Variants in NRXN1 observed in about 807,000 individuals in gnomAD.
NRXN1 encodes neurexin 1.
In NRXN1, 39 loss-of-function variants were observed where a neutral mutation model predicts 150.9. The observed-to-expected ratio is 0.26, with a 90% CI of 0.20 to 0.34. NRXN1 has a LOEUF of 0.34. Among genes scored for constraint, NRXN1 ranks in the 10% least tolerant of loss-of-function variants. The pLI is 1.00. For missense variants in NRXN1, 1,815 were observed against 1,949.9 expected (o/e 0.93, Z 1.30); for synonymous variants, 924 against 757.0 (o/e 1.22, Z -3.62).
At chr2:50,807,898 A>G (rs1281582898) in intron 5 of NRXN1, among the ~76,000 whole-genome samples, 1 of 152,180 alleles carries the variant, frequency 6.6e-6, no homozygotes, top group Admixed American at 6.6e-5. Flanking sequence ...TATTAAATAT[A>G]ACCTAATGAA....
At chr2:50,331,833 G>A (rs1160608216) in intron 17 of NRXN1, among the ~76,000 whole-genome samples, 2 of 152,134 alleles carry the variant, frequency 1.3e-5, no homozygotes, top group Admixed American at 6.5e-5. Context: ...GAAGATATTA[G>A]TTGATAATGG....
chr2:50,720,922 T>C (rs1696557133), intron 5 of NRXN1, among the ~76,000 whole-genome samples: 2 of 152,160 alleles, frequency 1.3e-5, no homozygotes, highest in South Asian at 4.1e-4. Context: ...TGTCTGCATC[T>C]TACTGCAGCT....
intron 5 of NRXN1, among the ~76,000 whole-genome samples, chr2:50,768,737 T>C (rs947834405): frequency 2.0e-5 from 3 of 151,914 alleles, no homozygotes; most frequent in Non-Finnish European, 2.9e-5. Context: ...TGCAGCTGGG[T>C]CACCGAAAAT....
At chr2:50,377,307 C>T (rs973438900) in intron 17 of NRXN1, among the ~76,000 whole-genome samples, 2 of 152,046 alleles carry the variant, frequency 1.3e-5, no homozygotes, top group African/African-American at 2.4e-5. Context: ...GCCATGTGTT[C>T]TCATTGTTTA....
chr2:50,924,848 A>G (rs1381335095), intron 3 of NRXN1, among the ~76,000 whole-genome samples: 1 of 151,734 alleles, frequency 6.6e-6, no homozygotes, highest in African/African-American at 2.4e-5. Context: ...TCAACTCTGT[A>G]TTATCATGAA....
intron 18 of NRXN1, among the ~76,000 whole-genome samples, chr2:50,111,922 G>A (rs572919749): frequency 6.6e-6 from 1 of 152,022 alleles, no homozygotes; most frequent in Non-Finnish European, 1.5e-5. Flanking sequence ...TCAATGCAAC[G>A]TGTAAGATGG....
rs762587232 is a variant in NRXN1, at chr2:51,027,955, T to G, written c.319A>C (p.Thr107Pro). The G allele has an allele frequency of 1.2e-6, 2 of 1,603,044 alleles. No individual in the cohort carries two copies. The highest frequency in any genetic ancestry group is 1.3e-5 in the African/African-American group (1 of 75,022). The change falls in exon 2 of 23, where the codon ACG (threonine) becomes CCG (proline). Residue 107 changes from threonine to proline, a missense_variant. Thr to Pro is a conservative substitution (Grantham distance 38, BLOSUM62 -1). Transcript: ENST00000401669. ...TGCCAGGCGCCGTCGTTAACCGGCGTGTCGGCCAGGAGCGTCGCAGGCTCA... is the reference window on the plus strand; with the variant it reads ...TGCCAGGCGCCGTCGTTAACCGGCGGGTCGGCCAGGAGCGTCGCAGGCTCA... ...CAEPATLLAD[T>P]PVNDGAWHSV...
At chr2:50,616,580 C>A (rs559799999) in intron 8 of NRXN1, 1 of 152,114 alleles carries the variant, frequency 6.6e-6, no homozygotes, top group Admixed American at 6.6e-5. Flanking sequence ...ATAGAATCGG[C>A]CATTTAAATA....
At chr2:50,703,542 T>G (rs1694043564) in intron 5 of NRXN1, among the ~76,000 whole-genome samples, 1 of 152,146 alleles carries the variant, frequency 6.6e-6, no homozygotes, top group Non-Finnish European at 1.5e-5. Flanking sequence ...AAGGTTCATT[T>G]AAAGTATGTT....
chr2:50,549,788 T>C (rs1667170936), intron 9 of NRXN1, among the ~76,000 whole-genome samples: 1 of 152,208 alleles, frequency 6.6e-6, no homozygotes, highest in Non-Finnish European at 1.5e-5. Context: ...GATAATTAAT[T>C]AGATTGCATC....
chr2:50,347,081 A>G lies in NRXN1; in HGVS notation c.3365-110111T>C. ...GCCGCCTCACCGCGCCAGGGCACCC[A>G]TCCTCTCCCTCCTTCGGACAGTCTT... On this transcript the variant is annotated intron_variant, in intron 17 of 22. Coordinates refer to ENST00000401669, the MANE Select transcript of NRXN1 (RefSeq NM_001330078.2). The surrounding 1 kb of genome is among the most constrained non-coding windows in gnomAD (Gnocchi z 4.9). 1 of 1,384,530 alleles carries G rather than the reference A, an allele frequency of 7.2e-7. No individual in the cohort carries two copies. The highest frequency in any genetic ancestry group is 4.2e-5 in the East Asian group (1 of 23,734). The allele number at this position is 1,384,530 out of a possible 1,614,324, so 85.8% of individuals were successfully genotyped here. A position where few individuals can be genotyped will look rare whatever the true frequency, so the allele number is the denominator to read the frequency against.
intron 8 of NRXN1, among the ~76,000 whole-genome samples, chr2:50,596,197 T>C (rs1675171606): frequency 6.6e-6 from 1 of 152,238 alleles, no homozygotes; most frequent in African/African-American, 2.4e-5. Flanking sequence ...CTTCTTTCTC[T>C]TCTTCACCCA....
chr2:50,010,768 A>G (rs188344207), intron 21 of NRXN1, among the ~76,000 whole-genome samples: 6 of 152,280 alleles, frequency 3.9e-5, no homozygotes, highest in Non-Finnish European at 5.9e-5. Context: ...CAAACAATAT[A>G]TATTTCCTGA....
chr2:50,220,964 C>T (rs796415381), intron 18 of NRXN1, among the ~76,000 whole-genome samples: 22 of 151,882 alleles, frequency 1.4e-4, no homozygotes, highest in South Asian at 8.3e-4. Context: ...TGATACTTGC[C>T]GAGCAGATGG....
At chr2:50,182,894 G>A (rs937069521) in intron 18 of NRXN1, among the ~76,000 whole-genome samples, 1 of 152,012 alleles carries the variant, frequency 6.6e-6, no homozygotes, top group African/African-American at 2.4e-5. Flanking sequence ...AGTAAATATA[G>A]TAATTAGAGC....
chr2:50,665,343 G>A (rs1287458875), intron 5 of NRXN1, among the ~76,000 whole-genome samples: 1 of 151,862 alleles, frequency 6.6e-6, no homozygotes, highest in Non-Finnish European at 1.5e-5. Context: ...TTCTGTTATT[G>A]ATCCTGAATT....
Position 50,239,662 on chromosome 2 carries a change from G to GTATATA in NRXN1, c.3365-2698_3365-2693dup, listed in dbSNP as rs59505952. On this transcript the variant is annotated intron_variant, in intron 17 of 22. Coordinates refer to ENST00000401669, the MANE Select transcript of NRXN1 (RefSeq NM_001330078.2). ...AACCCATATCCTGATACCTATTCCA[G>GTATATA]TATATATATATATATATATATATAT... Among the ~76,000 whole-genome samples the GTATATA allele has an allele frequency of 6.4e-3, 300 of 47,204 alleles. 3 individuals carry two copies. The highest frequency in any genetic ancestry group is 8.9e-3 in the Non-Finnish European group (199 of 22,466). 31.0% of individuals were successfully genotyped at this position (47,204 alleles called of 152,430 possible). A position where few individuals can be genotyped will look rare whatever the true frequency, so the allele number is the denominator to read the frequency against.
intron 5 of NRXN1, among the ~76,000 whole-genome samples, chr2:50,863,231 G>A (rs1676393729): frequency 6.6e-6 from 1 of 152,020 alleles, no homozygotes; most frequent in Admixed American, 6.6e-5. Flanking sequence ...TTTAAGGAGA[G>A]TAAACTGGCT....
intron 17 of NRXN1, among the ~76,000 whole-genome samples, chr2:50,366,444 G>C (rs1054411249): frequency 6.6e-6 from 1 of 151,690 alleles, no homozygotes; most frequent in African/African-American, 2.4e-5. Flanking sequence ...TGTTGTGACA[G>C]AGTAATTCTA....
Sources: gnomAD v4.1 joint callset for allele counts (sites outside exome capture counted in the v4.1 genomes callset) on GRCh38, gnomAD v4.1.1 for gene constraint, Gnocchi (gnomAD v3.1) non-coding constraint, MANE v1.5 for transcripts, NCBI Gene and HGNC (gene_info 2026-07-23, HGNC 2026-07-21) for gene names.